Variants in SV2C observed in about 807,000 individuals in gnomAD.
SV2C encodes solute carrier family 22 member B3.
A neutral mutation model predicts 79.7 loss-of-function variants in SV2C; 49 were observed. The observed-to-expected ratio is 0.61, with a 90% CI of 0.49 to 0.78. SV2C has a LOEUF of 0.78. Ranked by LOEUF, SV2C falls within the 30% of genes least tolerant of loss-of-function variation. SV2C has a pLI of 0.00. For synonymous variants in SV2C, 334 were observed against 333.2 expected, an observed-to-expected ratio of 1.00 and a Z score of -0.03; for missense variants, 833 against 912.9, an observed-to-expected ratio of 0.91 and a Z score of 1.13.
chr5:76,187,057 T>C lies in SV2C; in HGVS notation c.581-7862T>C, dbSNP rs143769637. On this transcript the variant is annotated intron_variant, in intron 2 of 12. Coordinates refer to ENST00000502798, the MANE Select transcript of SV2C (RefSeq NM_014979.4). ...AACCTCGCAAGGGATGGGGATCCCATTGGTGTTAAACTGATATGCGATGTC... is the reference window on the plus strand; with the variant it reads ...AACCTCGCAAGGGATGGGGATCCCACTGGTGTTAAACTGATATGCGATGTC... Among the ~76,000 whole-genome samples, 319 of 152,330 alleles carry C rather than the reference T, an allele frequency of 2.1e-3. 4 individuals are homozygous for C. Among genetic ancestry groups the C allele is most frequent in the African/African-American group, 7.1e-3 (297 of 41,560 alleles).
chr5:75,853,348 A>G, the SV2C span, among the ~76,000 whole-genome samples: 1 of 151,916 alleles, frequency 6.6e-6, no homozygotes, highest in African/African-American at 2.4e-5. Context: ...CAATATCAGG[A>G]GATCGAGACC....
the SV2C span, among the ~76,000 whole-genome samples, chr5:76,048,967 G>GAAAGAAAGAAAA: frequency 1.8e-5 from 1 of 54,286 alleles, no homozygotes; most frequent in African/African-American, 6.9e-5. Flanking sequence ...AAGAAAAAGA[G>GAAAGAAAGAAAA]AAAGAAAGAA....
intron 2 of SV2C, chr5:76,174,128 A>G: frequency 3.7e-6 from 6 of 1,607,948 alleles, no homozygotes; most frequent in Non-Finnish European, 5.1e-6. Flanking sequence ...TTGTACAGTC[A>G]AAGCAGACTT....
chr5:76,016,291 A>G, the SV2C span, among the ~76,000 whole-genome samples: 2 of 136,388 alleles, frequency 1.5e-5, no homozygotes, highest in Non-Finnish European at 1.5e-5. Flanking sequence ...TTCTTTCTAT[A>G]GGCTGTGGTT....
chr5:76,103,147 T>A (rs374577030), intron 1 of SV2C, among the ~76,000 whole-genome samples: 9 of 152,310 alleles, frequency 5.9e-5, no homozygotes, highest in African/African-American at 2.2e-4. Context: ...TTTAGTATTT[T>A]GTTTAATGGG....
intron 2 of SV2C, among the ~76,000 whole-genome samples, chr5:76,182,221 G>A (rs749913804): frequency 6.6e-6 from 1 of 152,094 alleles, no homozygotes; most frequent in Non-Finnish European, 1.5e-5. Flanking sequence ...AGAGTAGAAT[G>A]AGGGTTTCTG....
chr5:76,079,073 A>G, upstream of SV2C: 1 of 393,628 alleles, frequency 2.5e-6, no homozygotes, highest in South Asian at 2.2e-5. Flanking sequence ...GTTGAATATG[A>G]CATAGATGAA....
At chr5:75,925,174 G>C in the SV2C span, among the ~76,000 whole-genome samples, 1 of 152,100 alleles carries the variant, frequency 6.6e-6, no homozygotes, top group Non-Finnish European at 1.5e-5. Context: ...TCCTGGAGCT[G>C]GGAAGTTCTA....
At chr5:76,022,215 G>A in the SV2C span, among the ~76,000 whole-genome samples, 1 of 152,076 alleles carries the variant, frequency 6.6e-6, no homozygotes, top group Admixed American at 6.6e-5. Flanking sequence ...AGCATGCCTG[G>A]TGCATCAACA....
At chr5:76,252,670 C>T (rs894489398) in intron 4 of SV2C, among the ~76,000 whole-genome samples, 1 of 152,084 alleles carries the variant, frequency 6.6e-6, no homozygotes, top group Admixed American at 6.6e-5. Flanking sequence ...CAGGTGGTTT[C>T]GAATATTTTT....
chr5:76,146,796 TTAAAA>T (rs1411115304), intron 2 of SV2C, among the ~76,000 whole-genome samples: 9 of 67,084 alleles, frequency 1.3e-4, no homozygotes, highest in Non-Finnish European at 1.8e-4. Flanking sequence ...GAGTTTTTTT[TTAAAA>T]AAAAAAAAAA....
chr5:75,933,667 T>C, the SV2C span, among the ~76,000 whole-genome samples: 3 of 152,222 alleles, frequency 2.0e-5, no homozygotes, highest in Non-Finnish European at 4.4e-5. Flanking sequence ...GTAAGTACCT[T>C]CTGCATGCAG....
At chr5:75,910,556 T>C in the SV2C span, 1 of 666,878 alleles carries the variant, frequency 1.5e-6, no homozygotes, top group Non-Finnish European at 2.7e-6. Context: ...TTTGGTTTAC[T>C]ACTTCACCCA....
At chr5:75,952,583 C>T in the SV2C span, among the ~76,000 whole-genome samples, 6 of 151,758 alleles carry the variant, frequency 4.0e-5, no homozygotes, top group Admixed American at 2.6e-4. Context: ...AGTGGGTTCT[C>T]ACTCAGTTAG....
chr5:76,281,084 CTA>C (rs1491397207), intron 4 of SV2C: 1 of 541,348 alleles, frequency 1.8e-6, no homozygotes, highest in African/African-American at 1.9e-5. Flanking sequence ...CGTGTAAAGA[CTA>C]AAAAAACTAA....
chr5:75,985,220 C>T, the SV2C span, among the ~76,000 whole-genome samples: 1 of 151,978 alleles, frequency 6.6e-6, no homozygotes, highest in Non-Finnish European at 1.5e-5. Context: ...CCACTCTCAG[C>T]AGGATCTAAC....
At chr5:76,051,799 T>C in the SV2C span, among the ~76,000 whole-genome samples, 1 of 152,190 alleles carries the variant, frequency 6.6e-6, no homozygotes, top group Admixed American at 6.5e-5. Flanking sequence ...CTTCTTTCAA[T>C]TGATCCATGA....
intron 4 of SV2C, among the ~76,000 whole-genome samples, chr5:76,277,997 A>G (rs376026680): frequency 1.2e-4 from 19 of 152,214 alleles, no homozygotes; most frequent in Admixed American, 1.2e-3. Context: ...ATAGAACTGT[A>G]TAACTAAAAA....
the SV2C span, among the ~76,000 whole-genome samples, chr5:75,849,597 A>T: frequency 7.0e-3 from 1,059 of 152,328 alleles, 3 homozygotes; most frequent in Non-Finnish European, 0.011. Flanking sequence ...CTTTTTGATC[A>T]ATCTTTCTAT....
Sources: allele counts gnomAD v4.1 joint callset (sites outside exome capture counted in the v4.1 genomes callset), GRCh38; gene constraint gnomAD v4.1.1; transcripts MANE v1.5; gene names NCBI Gene and HGNC (gene_info 2026-07-23, HGNC 2026-07-21).